Variants in KIAA1328 observed in about 807,000 individuals in gnomAD.
KIAA1328 encodes the protein KIAA1328.
Under a neutral mutation model 68.1 loss-of-function variants are expected in KIAA1328, and 52 were observed. The ratio of observed to expected loss-of-function variants is 0.76; its 90% CI spans 0.61 to 0.96. KIAA1328 has a LOEUF of 0.96. Ranked by LOEUF, KIAA1328 falls within the 40% of genes least tolerant of loss-of-function variation. The pLI is 0.00. For synonymous variants in KIAA1328, 232 were observed against 239.4 expected, an observed-to-expected ratio of 0.97 and a Z score of 0.28; for missense variants, 641 against 677.6, an observed-to-expected ratio of 0.95 and a Z score of 0.60.
chr18:37,110,028 T>A (rs544047985), intron 7 of KIAA1328, among the ~76,000 whole-genome samples: 1 of 151,384 alleles, frequency 6.6e-6, no homozygotes, highest in Non-Finnish European at 1.5e-5. Flanking sequence ...AGAAAAGCAG[T>A]GGACTTGAAG....
chr18:37,082,487 T>C (rs542535553), intron 7 of KIAA1328, among the ~76,000 whole-genome samples: 1 of 152,294 alleles, frequency 6.6e-6, no homozygotes, highest in South Asian at 2.1e-4. Context: ...GAATTTCACT[T>C]CAACTAAATT....
At chr18:36,936,332 G>A (rs1288159699) in intron 5 of KIAA1328, among the ~76,000 whole-genome samples, 1 of 152,042 alleles carries the variant, frequency 6.6e-6, no homozygotes, top group Non-Finnish European at 1.5e-5. Flanking sequence ...GTGTCCATGT[G>A]TTCTCATTGT....
At chr18:37,070,433 A>G (rs1483837080) in intron 7 of KIAA1328, among the ~76,000 whole-genome samples, 1 of 152,102 alleles carries the variant, frequency 6.6e-6, no homozygotes, top group Admixed American at 6.6e-5. Context: ...ATTGTGATAT[A>G]TCTATTTTTC....
At chr18:36,888,417 G>A (rs939979930) in intron 5 of KIAA1328, among the ~76,000 whole-genome samples, 1 of 152,168 alleles carries the variant, frequency 6.6e-6, no homozygotes, top group Non-Finnish European at 1.5e-5. Flanking sequence ...TAAAGTCAAA[G>A]ACTTTTAGTC....
intron 7 of KIAA1328, among the ~76,000 whole-genome samples, chr18:37,104,134 A>G (rs2057703057): frequency 6.6e-6 from 1 of 152,200 alleles, no homozygotes; most frequent in Non-Finnish European, 1.5e-5. Context: ...GCAAAAATAG[A>G]ACTACATTAT....
intron 6 of KIAA1328, among the ~76,000 whole-genome samples, chr18:37,001,049 T>G (rs889105479): frequency 2.0e-5 from 3 of 151,860 alleles, no homozygotes; most frequent in Non-Finnish European, 2.9e-5. Flanking sequence ...AGAACAGACC[T>G]AAATGAAATA....
intron 9 of KIAA1328, among the ~76,000 whole-genome samples, chr18:37,186,123 G>A (rs1156965856): frequency 1.5e-5 from 2 of 131,718 alleles, no homozygotes; most frequent in Admixed American, 1.6e-4. Flanking sequence ...TTTTTGTGAG[G>A]CAGGTACTCC....
chr18:36,933,269 A>G (rs1224517784), intron 5 of KIAA1328, among the ~76,000 whole-genome samples: 1 of 152,074 alleles, frequency 6.6e-6, no homozygotes, highest in Non-Finnish European at 1.5e-5. Context: ...TTGTATTTCC[A>G]TGTGTTTGCA....
At chr18:36,871,332 A>G (rs1033081548) in intron 4 of KIAA1328, among the ~76,000 whole-genome samples, 3 of 152,190 alleles carry the variant, frequency 2.0e-5, no homozygotes, top group Non-Finnish European at 4.4e-5. Flanking sequence ...ATTTTTTGGC[A>G]AGAAAACAAC....
At chr18:37,213,642 A>T (rs1181307053) in intron 9 of KIAA1328, among the ~76,000 whole-genome samples, 2 of 152,190 alleles carry the variant, frequency 1.3e-5, no homozygotes, top group Non-Finnish European at 2.9e-5. Flanking sequence ...AACATGATTT[A>T]TACTCCTTTG....
At position 36,834,359 on chromosome 18, in the gene KIAA1328, T is replaced by C; in HGVS notation, c.94+4T>C. ...CAATCAGTAGTATACGTTCCAGGTA[T>C]GATTTTCTATGTTAAAATTTGGGAA... On this transcript the variant is annotated splice_donor_region_variant and intron_variant, in intron 2 of 9. Coordinates refer to ENST00000280020, the MANE Select transcript of KIAA1328 (RefSeq NM_020776.3). The C allele has an allele frequency of 1.3e-6, 2 of 1,573,410 alleles. No homozygotes were observed. Among genetic ancestry groups the C allele is most frequent in the Non-Finnish European group, 1.7e-6 (2 of 1,162,060 alleles).
chr18:36,961,134 G>A (rs1388919402), intron 6 of KIAA1328, among the ~76,000 whole-genome samples: 1 of 152,214 alleles, frequency 6.6e-6, no homozygotes, highest in Non-Finnish European at 1.5e-5. Flanking sequence ...ACCTGATGGA[G>A]CTGAAAACCA....
At chr18:37,071,938 A>G (rs1375505106) in intron 7 of KIAA1328, among the ~76,000 whole-genome samples, 1 of 152,222 alleles carries the variant, frequency 6.6e-6, no homozygotes, top group Non-Finnish European at 1.5e-5. Flanking sequence ...AATCTGAACA[A>G]CAGAAATAGA....
chr18:37,129,043 T>G (rs2151950884), intron 7 of KIAA1328, among the ~76,000 whole-genome samples: 1 of 152,308 alleles, frequency 6.6e-6, no homozygotes, highest in African/African-American at 2.4e-5. Flanking sequence ...CTAAGGGCAC[T>G]TTTGAGGTGA....
chr18:37,193,414 T>TG (rs1205445195), intron 9 of KIAA1328, among the ~76,000 whole-genome samples: 1 of 152,248 alleles, frequency 6.6e-6, no homozygotes, highest in African/African-American at 2.4e-5. Context: ...CTCATCAGTT[T>TG]GGGTCAGATT....
intron 7 of KIAA1328, among the ~76,000 whole-genome samples, chr18:37,151,814 G>A (rs982890000): frequency 2.0e-5 from 3 of 152,126 alleles, no homozygotes; most frequent in Non-Finnish European, 4.4e-5. Flanking sequence ...GGTATGAGAA[G>A]GGCATCCATA....
In KIAA1328 at chr18:37,057,906, CA is replaced by C. The variant is rs749294208; in HGVS notation, c.577-8975del. 1.2e-3 allele frequency among the ~76,000 whole-genome samples: 186 copies of C among 151,464 alleles called. 2 individuals are homozygous for C. The highest frequency in any genetic ancestry group is 4.7e-3 in the East Asian group (24 of 5,148). ...AAAATATTTATTGTATGGCCCTTTA[CA>C]AAAAAAAAGTTTGCCGACCTTGTCG... On this transcript the variant is annotated intron_variant, in intron 6 of 9. Transcript: ENST00000280020.
rs763722571 is a variant in KIAA1328 at position 37,160,225 on chromosome 18, T to C, written c.1258T>C (p.Trp420Arg). Residue 420 changes from tryptophan to arginine, a missense_variant, in exon 8 of 10, where the codon TGG (tryptophan) becomes CGG (arginine). Trp to Arg is a moderately radical substitution (Grantham distance 101, BLOSUM62 -3). Coordinates refer to ENST00000280020, the MANE Select transcript of KIAA1328 (RefSeq NM_020776.3). ...NCLLKSNCDGWLLGTSSSIKK... is the reference protein window; with the variant it reads ...NCLLKSNCDGRLLGTSSSIKK... ...TTTATTGAAGTCAAACTGTGATGGC[T>C]GGCTGCTTGGAACATCATCATCTAT... 19 of 1,612,898 alleles carry C rather than the reference T, an allele frequency of 1.2e-5. No individual in the cohort carries two copies. The South Asian group carries it at 1.9e-4, about 16-fold the overall frequency.
chr18:37,155,576 A>T (rs1191671822), intron 7 of KIAA1328, among the ~76,000 whole-genome samples: 1 of 152,216 alleles, frequency 6.6e-6, no homozygotes, highest in Admixed American at 6.5e-5. Context: ...GAGCTGTTTC[A>T]GCAGCCTTCC....
Sources: gnomAD v4.1 joint callset for allele counts (sites outside exome capture counted in the v4.1 genomes callset) on GRCh38, gnomAD v4.1.1 for gene constraint, MANE v1.5 for transcripts, NCBI Gene and HGNC (gene_info 2026-07-23, HGNC 2026-07-21) for gene names.